Variants in LRRC71 observed in about 807,000 individuals in gnomAD.
LRRC71 encodes leucine-rich repeat-containing protein 71.
Under a neutral mutation model 66.6 loss-of-function variants are expected in LRRC71, and 54 were observed. That is an observed-to-expected ratio of 0.81 (90% confidence interval 0.65 to 1.02). LRRC71 has a LOEUF of 1.02. LRRC71 is among the 50% of genes least tolerant of loss of function. The pLI is 0.00. For missense variants in LRRC71, 724 were observed against 718.0 expected (o/e 1.01, Z -0.10); for synonymous variants, 323 against 303.9 (o/e 1.06, Z -0.65).
chr1:156,923,526 T>C (rs1445761255), intron 1 of LRRC71, among the ~76,000 whole-genome samples: 2 of 151,166 alleles, frequency 1.3e-5, no homozygotes, highest in African/African-American at 4.9e-5. Flanking sequence ...AGGGAAGGAG[T>C]GGGAGTGGAA....
chr1:156,940,707 C>G, the LRRC71 span, among the ~76,000 whole-genome samples: 1 of 152,156 alleles, frequency 6.6e-6, no homozygotes, highest in African/African-American at 2.4e-5. Context: ...GTAACTTCCA[C>G]CGGAAAGAAG....
chr1:156,927,856 C>A (rs1475092434), intron 8 of LRRC71, 40 bp downstream of exon 8: 2 of 1,611,084 alleles, frequency 1.2e-6, no homozygotes, highest in East Asian at 2.2e-5. Context: ...CGTGGGCGGG[C>A]CGAGGGAGCC....
At chr1:156,928,128 T>G (rs917693985) in intron 9 of LRRC71, 124 bp downstream of exon 9, 1 of 949,776 alleles carries the variant, frequency 1.1e-6, no homozygotes, top group Non-Finnish European at 1.6e-6. Context: ...GTCCTGACTG[T>G]CTTTCCCTCC....
chr1:156,924,761 T>A, intron 4 of LRRC71, 43 bp downstream of exon 4: 1 of 1,546,150 alleles, frequency 6.5e-7, no homozygotes, highest in Non-Finnish European at 8.8e-7. Flanking sequence ...AGAGTGGGAG[T>A]TGGGGCTCCT....
downstream of LRRC71, chr1:156,936,744 G>A: frequency 6.6e-7 from 1 of 1,507,626 alleles, no homozygotes; most frequent in Admixed American, 1.9e-5. Context: ...TCACTGCTTA[G>A]TGATGTGTCC....
At chr1:156,922,447 TAG>T (rs1652533967) in intron 1 of LRRC71, among the ~76,000 whole-genome samples, 2 of 152,098 alleles carry the variant, frequency 1.3e-5, no homozygotes, top group South Asian at 2.1e-4. Context: ...TCGTGTCCGG[TAG>T]AGAGTGATGG....
chr1:156,921,592 T>C (rs1652374449), intron 1 of LRRC71: 3 of 981,078 alleles, frequency 3.1e-6, no homozygotes, highest in Non-Finnish European at 2.4e-6. Flanking sequence ...AGGTACTATC[T>C]CTTTGTCAGT....
chr1:156,920,790 C>A lies in LRRC71; in HGVS notation c.-14C>A. The stretch of plus-strand genomic sequence containing the variant: ...CCCGACGAAGGTCCCAGAGACGCTG[C>A]GGACAACACCAGCATGTCGAGCGAG... On this transcript the variant is annotated 5_prime_UTR_variant, in exon 1 of 15. Coordinates refer to ENST00000337428, the MANE Select transcript of LRRC71 (RefSeq NM_144702.3). The surrounding 1 kb of genome is among the most constrained non-coding windows in gnomAD (Gnocchi z 4.9). 5 of 1,498,556 alleles carry A rather than the reference C, an allele frequency of 3.3e-6. No homozygotes were observed. The highest frequency in any genetic ancestry group is 4.5e-6 in the Non-Finnish European group (5 of 1,119,748). The allele number at this position is 1,498,556 out of a possible 1,614,324, so 92.8% of individuals were successfully genotyped here. A position where few individuals can be genotyped will look rare whatever the true frequency, so the allele number is the denominator to read the frequency against.
chr1:156,939,941 G>T, the LRRC71 span: 1 of 1,594,970 alleles, frequency 6.3e-7, no homozygotes, highest in African/African-American at 1.3e-5. Context: ...TGTCTTCCCA[G>T]CATGGGACTG....
chr1:156,928,463 T>C (rs1268711876), intron 9 of LRRC71, among the ~76,000 whole-genome samples: 32 of 136,972 alleles, frequency 2.3e-4, no homozygotes, highest in African/African-American at 5.9e-4. Flanking sequence ...TTCTTCTCCT[T>C]CTTCTCTTCT....
chr1:156,921,776 G>C (rs971550587), intron 1 of LRRC71: 1 of 496,164 alleles, frequency 2.0e-6, no homozygotes, highest in Non-Finnish European at 2.6e-6. Flanking sequence ...CATGGCTGCT[G>C]TATAGAATAC....
rs1470501005 is a variant in LRRC71 at position 156,929,343 on chromosome 1, A to G, written c.1060A>G (p.Ser354Gly). 1.2e-6 allele frequency: 2 copies of G among 1,613,302 alleles called. No homozygotes were observed. Among genetic ancestry groups the G allele is most frequent in the Non-Finnish European group, 1.7e-6 (2 of 1,179,634 alleles). ...TGAGAAGAGTCAGATGGTAGGGATCAGCAATAGTGCATTGGTGGACAAGAC... is the reference window on the plus strand; with the variant it reads ...TGAGAAGAGTCAGATGGTAGGGATCGGCAATAGTGCATTGGTGGACAAGAC... ...DREKSQMVGI[S>G]NSALVDKTDK... The change falls in exon 10 of 15, where the codon AGC (serine) becomes GGC (glycine). Residue 354 changes from serine (S) to glycine (G), a missense_variant. By Grantham distance (56) the Ser-to-Gly change is moderately conservative. Transcript: ENST00000337428.
At chr1:156,924,798 G>A in intron 4 of LRRC71, 80 bp downstream of exon 4, 1 of 1,515,574 alleles carries the variant, frequency 6.6e-7, no homozygotes, top group Non-Finnish European at 9.0e-7. Flanking sequence ...GAACCAAGGG[G>A]CATGGGAGAC....
At chr1:156,938,776 T>C in the LRRC71 span, 1 of 438,762 alleles carries the variant, frequency 2.3e-6, no homozygotes, top group Non-Finnish European at 4.0e-6. Flanking sequence ...GAATGAAAAA[T>C]GCTGCTGGAA....
rs764568839 is a variant in LRRC71, at chr1:156,927,779, A to G, written c.869A>G (p.Asn290Ser). The change falls in exon 8 of 15, where the codon AAC becomes AGC. Residue 290 changes from asparagine to serine, a missense_variant. Asn to Ser is a conservative substitution (Grantham distance 46). Transcript: ENST00000337428. Reference protein sequence around the residue: ...RSLLWLSLAHNRIQDKGALKL... With the variant: ...RSLLWLSLAHSRIQDKGALKL... ...CTGCTCTGGCTGTCCCTGGCCCACA[A>G]CCGCATCCAGGACAAGGGCGCCCTG... 12 of 1,612,574 alleles carry G rather than the reference A, an allele frequency of 7.4e-6. No homozygotes were observed. Among genetic ancestry groups the G allele is most frequent in the African/African-American group, 1.3e-5 (1 of 75,002 alleles).
intron 9 of LRRC71, among the ~76,000 whole-genome samples, chr1:156,928,820 C>T (rs903906338): frequency 6.6e-6 from 1 of 152,030 alleles, no homozygotes; most frequent in East Asian, 1.9e-4. Context: ...ATCCGCCCAC[C>T]TCGGCCTCCT....
At chr1:156,937,447 G>C, downstream of LRRC71, 1 of 1,555,432 alleles carries the variant, frequency 6.4e-7, no homozygotes. Flanking sequence ...CTGAGTGGTC[G>C]GTGCTTGAGT....
intron 13 of LRRC71, 90 bp downstream of exon 13, chr1:156,932,117 G>A: frequency 1.9e-6 from 2 of 1,041,332 alleles, no homozygotes; most frequent in Middle Eastern, 3.0e-4. Context: ...CTATGGAGCA[G>A]AGCTGGTCCT....
At position 156,927,976 on chromosome 1, in the gene LRRC71, A is replaced by C; in HGVS notation, c.968A>C (p.Glu323Ala). 6.2e-7 allele frequency: 1 copy of C among 1,609,314 alleles called. No individual in the cohort carries two copies. The highest frequency in any genetic ancestry group is 2.2e-5 in the East Asian group (1 of 44,776). ...GTGGAGCGCCGACGCCTCCTGCTGGAAAAAGGGACACAGGAGCGCTCGCGA... is the reference window on the plus strand; with the variant it reads ...GTGGAGCGCCGACGCCTCCTGCTGGCAAAAGGGACACAGGAGCGCTCGCGA... ...EVVERRRLLL[E>A]KGTQERSRSP... is the part of the protein sequence containing the mutation. Residue 323 changes from glutamate to alanine, a missense_variant, in exon 9 of 15, where the codon GAA becomes GCA. By Grantham distance (107) the Glu-to-Ala change is moderately radical. Coordinates refer to ENST00000337428, the MANE Select transcript of LRRC71 (RefSeq NM_144702.3).
Sources: gnomAD v4.1 joint callset for allele counts (sites outside exome capture counted in the v4.1 genomes callset) on GRCh38, gnomAD v4.1.1 for gene constraint, Gnocchi (gnomAD v3.1) non-coding constraint, MANE v1.5 for transcripts, NCBI Gene and HGNC (gene_info 2026-07-23, HGNC 2026-07-21) for gene names.